The following AK9 variants were observed in gnomAD, a reference collection of about 807,000 sequenced individuals.
The protein encoded by AK9 is adenylate kinase 9.
In AK9, 191 loss-of-function variants were observed where a neutral mutation model predicts 239.6. The ratio of observed to expected loss-of-function variants is 0.80; its 90% CI spans 0.71 to 0.90. The LOEUF (loss-of-function observed/expected upper bound fraction) is 0.90, where lower values mean the gene tolerates loss of function less well. AK9 is among the 40% of genes least tolerant of loss of function. The pLI is 0.00. For synonymous variants in AK9, 689 were observed against 721.0 expected, an observed-to-expected ratio of 0.96 and a Z score of 0.71; for missense variants, 1,995 against 2,214.7, an observed-to-expected ratio of 0.90 and a Z score of 1.99.
At chr6:109,614,103 G>T in intron 15 of AK9, 80 bp downstream of exon 15, 3 of 1,354,786 alleles carry the variant, frequency 2.2e-6, no homozygotes, top group Non-Finnish European at 3.1e-6. Context: ...GTAATTTTAA[G>T]CATAAATATA....
At position 109,679,616 on chromosome 6, in the gene AK9, CT is replaced by C. The variant is rs1279723323; in HGVS notation, c.-11-3861del. 5.9e-5 allele frequency among the ~76,000 whole-genome samples: 9 copies of C among 152,304 alleles called. No individual in the cohort carries two copies. The South Asian group carries it at 1.7e-3, about 28-fold the overall frequency. ...TGCTTGAGCTCTGCTAAGGGTCAGACTGCCTCCTGAAGTGGGTCCCTGACCC... is the reference window on the plus strand; with the variant it reads ...TGCTTGAGCTCTGCTAAGGGTCAGACGCCTCCTGAAGTGGGTCCCTGACCC... On this transcript the variant is annotated intron_variant, in intron 1 of 40. Transcript: ENST00000424296.
intron 1 of AK9, 39 bp downstream of exon 1, chr6:109,691,108 T>A: frequency 2.1e-6 from 1 of 483,826 alleles, no homozygotes. Flanking sequence ...AATTAATCCG[T>A]CGACTTTTTC....
chr6:109,662,463 T>C lies in AK9; in HGVS notation c.444+88A>G, dbSNP rs1800559196. 3 of 1,089,770 alleles carry C rather than the reference T, an allele frequency of 2.8e-6. No individual in the cohort carries two copies. The South Asian group carries it at 8.9e-5, about 32-fold the overall frequency. The allele number at this position is 1,089,770 out of a possible 1,614,324, so 67.5% of individuals were successfully genotyped here. A position where few individuals can be genotyped will look rare whatever the true frequency, so the allele number is the denominator to read the frequency against. ...ATGCATAAGTTATTATCTCCATAAC[T>C]ATTTAAAAATGTTTAAAGCATTCCT... On this transcript the variant is annotated intron_variant, in intron 6 of 40. Transcript: ENST00000424296.
chr6:109,598,122 C>G (rs12200787), intron 17 of AK9, among the ~76,000 whole-genome samples: 108,312 of 151,960 alleles, frequency 0.71, 39,086 homozygotes, highest in East Asian at 0.99. Context: ...TGTGCACAAC[C>G]TGCAGGTTTG....
chr6:109,690,805 C>T (rs1774268455), intron 1 of AK9: 2 of 153,602 alleles, frequency 1.3e-5, no homozygotes, highest in Admixed American at 1.3e-4. Context: ...TCGACAACTT[C>T]AAGTGGCTAG....
intron 35 of AK9, among the ~76,000 whole-genome samples, chr6:109,500,474 A>G (rs974170659): frequency 2.0e-5 from 3 of 152,204 alleles, no homozygotes; most frequent in Non-Finnish European, 1.5e-5. Flanking sequence ...TAATGAGTGG[A>G]CTTATTATAG....
At chr6:109,646,427 C>T (rs2128294618) in intron 8 of AK9, among the ~76,000 whole-genome samples, 1 of 152,126 alleles carries the variant, frequency 6.6e-6, no homozygotes, top group East Asian at 1.9e-4. Flanking sequence ...AAAACCATGG[C>T]ATGAGAACTA....
At chr6:109,609,918 C>A (rs1346609281) in intron 17 of AK9, among the ~76,000 whole-genome samples, 3 of 152,024 alleles carry the variant, frequency 2.0e-5, no homozygotes, top group Non-Finnish European at 4.4e-5. Context: ...TAGACTGGAA[C>A]AGCACATGTG....
Position 109,516,010 on chromosome 6 carries a change from T to C in AK9, c.3912A>G (p.Val1304=). ...TCAGTTTCATATTCAATGTATATTG[T>C]ACAATGTGATTTCTCCGAGCTCCAT... ...SINGARRNHI[V]QYTLNMKLKP... is the part of the protein sequence containing the mutation. The change falls in exon 31 of 41, where the codon GTA becomes GTG. Residue 1304 remains valine (V), a synonymous_variant. Coordinates refer to ENST00000424296, the MANE Select transcript of AK9 (RefSeq NM_001145128.3). 1.3e-6 allele frequency: 2 copies of C among 1,551,354 alleles called. No individual in the cohort carries two copies. Among genetic ancestry groups the C allele is most frequent in the Non-Finnish European group, 1.7e-6 (2 of 1,146,690 alleles).
chr6:109,550,355 T>TG, intron 24 of AK9, 53 bp from the exon 25 acceptor site: 1 of 1,503,016 alleles, frequency 6.7e-7, no homozygotes, highest in Non-Finnish European at 9.0e-7. Context: ...AGTATTTTGA[T>TG]GCAGATAATT....
chr6:109,540,469 G>T (rs190080109), intron 27 of AK9, among the ~76,000 whole-genome samples: 52 of 152,290 alleles, frequency 3.4e-4, no homozygotes, highest in African/African-American at 1.3e-3. Flanking sequence ...GTATTAGGGT[G>T]GGAGTGACCC....
chr6:109,578,737 G>A (rs981006866), intron 20 of AK9, among the ~76,000 whole-genome samples: 1 of 152,100 alleles, frequency 6.6e-6, no homozygotes, highest in African/African-American at 2.4e-5. Flanking sequence ...TTGATAAGTT[G>A]TGTCACTGTT....
intron 32 of AK9, among the ~76,000 whole-genome samples, chr6:109,513,807 AAGAT>A (rs1379403726): frequency 2.0e-5 from 3 of 152,190 alleles, no homozygotes; most frequent in African/African-American, 4.8e-5. Context: ...GCTTTTGTTT[AAGAT>A]AGATAGGATC....
chr6:109,556,491 GT>G (rs1211385999), intron 24 of AK9, among the ~76,000 whole-genome samples: 1 of 152,064 alleles, frequency 6.6e-6, no homozygotes, highest in Non-Finnish European at 1.5e-5. Context: ...GTGTTTTGGG[GT>G]TGATCTCATG....
At chr6:109,495,715 C>A (rs1234347502) in intron 38 of AK9, among the ~76,000 whole-genome samples, 1 of 152,016 alleles carries the variant, frequency 6.6e-6, no homozygotes, top group African/African-American at 2.4e-5. Flanking sequence ...CCCAAATGCC[C>A]CCTCACCCCC....
intron 10 of AK9, 56 bp from the exon 11 acceptor site, chr6:109,633,379 G>T: frequency 1.3e-6 from 2 of 1,499,680 alleles, no homozygotes; most frequent in Non-Finnish European, 1.8e-6. Context: ...CTGAAATTAG[G>T]AGCATTAAAT....
At chr6:109,589,118 A>G (rs1344933050) in intron 17 of AK9, among the ~76,000 whole-genome samples, 1 of 152,162 alleles carries the variant, frequency 6.6e-6, no homozygotes, top group African/African-American at 2.4e-5. Context: ...GTGAAGAATG[A>G]CATTGGTAAT....
intron 13 of AK9, among the ~76,000 whole-genome samples, chr6:109,618,553 C>T (rs1290694024): frequency 6.6e-6 from 1 of 152,116 alleles, no homozygotes; most frequent in South Asian, 2.1e-4. Context: ...GATCAAGTCT[C>T]AGCTATGCTA....
At chr6:109,637,747 C>T (rs1213196013) in intron 10 of AK9, among the ~76,000 whole-genome samples, 1 of 152,138 alleles carries the variant, frequency 6.6e-6, no homozygotes, top group Non-Finnish European at 1.5e-5. Context: ...AAATCACCTG[C>T]CTTTAGCTGA....
Sources: gnomAD v4.1 joint callset for allele counts (sites outside exome capture counted in the v4.1 genomes callset) on GRCh38, gnomAD v4.1.1 for gene constraint, MANE v1.5 for transcripts, NCBI Gene and HGNC (gene_info 2026-07-23, HGNC 2026-07-21) for gene names.